Variants in PRMT3 observed in about 807,000 individuals in gnomAD.
PRMT3 encodes the protein protein arginine N-methyltransferase 3.
In PRMT3, 62 loss-of-function variants were observed where a neutral mutation model predicts 71.9. The ratio of observed to expected loss-of-function variants is 0.86; its 90% CI spans 0.70 to 1.07. The LOEUF (loss-of-function observed/expected upper bound fraction) is 1.07. Among genes scored for constraint, PRMT3 ranks in the 50% least tolerant of loss-of-function variants. The pLI is 0.00. For synonymous variants in PRMT3, 213 were observed against 220.4 expected (o/e 0.97, Z 0.30); for missense variants, 663 against 643.0 (o/e 1.03, Z -0.34).
intron 9 of PRMT3, among the ~76,000 whole-genome samples, chr11:20,420,301 A>C (rs1471847459): frequency 6.6e-6 from 1 of 152,244 alleles, no homozygotes; most frequent in Admixed American, 6.5e-5. Context: ...TAAAAGTCTG[A>C]TAAAATTTAG....
At chr11:20,486,190 G>A (rs1160362790) in intron 13 of PRMT3, among the ~76,000 whole-genome samples, 1 of 152,188 alleles carries the variant, frequency 6.6e-6, no homozygotes, top group Non-Finnish European at 1.5e-5. Flanking sequence ...GAGAATGGAT[G>A]GAAGATTTCT....
At chr11:20,427,062 C>T (rs1849562905) in intron 10 of PRMT3, among the ~76,000 whole-genome samples, 197 bp downstream of exon 10, 1 of 152,026 alleles carries the variant, frequency 6.6e-6, no homozygotes, top group Non-Finnish European at 1.5e-5. Context: ...TCTGAAATGG[C>T]CCTTATTTAT....
chr11:20,437,346 GAA>G (rs1849782181), intron 10 of PRMT3, among the ~76,000 whole-genome samples: 1 of 152,060 alleles, frequency 6.6e-6, no homozygotes, highest in African/African-American at 2.4e-5. Flanking sequence ...TTTTGTATTT[GAA>G]ATCATTCAAC....
At chr11:20,388,477 T>C (rs1592327034) in intron 2 of PRMT3, among the ~76,000 whole-genome samples, 1 of 152,156 alleles carries the variant, frequency 6.6e-6, no homozygotes, top group African/African-American at 2.4e-5. Flanking sequence ...AGGGATGGGG[T>C]CTAAGAATAT....
At chr11:20,438,271 G>A (rs1323291269) in intron 10 of PRMT3, among the ~76,000 whole-genome samples, 3 of 152,126 alleles carry the variant, frequency 2.0e-5, no homozygotes, top group East Asian at 1.9e-4. Context: ...CTGGAGGTTT[G>A]GGCTGGGGGA....
At chr11:20,480,818 CAT>C (rs1850913768) in intron 13 of PRMT3, among the ~76,000 whole-genome samples, 1 of 151,982 alleles carries the variant, frequency 6.6e-6, no homozygotes, top group Non-Finnish European at 1.5e-5. Context: ...AGGTTTCTTA[CAT>C]GTACAATTTG....
At chr11:20,394,224 G>C (rs534937062) in intron 5 of PRMT3, among the ~76,000 whole-genome samples, 1 of 152,170 alleles carries the variant, frequency 6.6e-6, no homozygotes, top group Non-Finnish European at 1.5e-5. Flanking sequence ...AAGTTGATCC[G>C]AAAGTTAGAT....
chr11:20,464,855 A>G (rs10734292), intron 13 of PRMT3, among the ~76,000 whole-genome samples: 120,624 of 152,146 alleles, frequency 0.79, 50,146 homozygotes, highest in Non-Finnish European at 0.93. Context: ...CAAAGTTCAT[A>G]CCCTATTCCT....
intron 11 of PRMT3, among the ~76,000 whole-genome samples, chr11:20,452,873 G>A (rs1237466571): frequency 6.6e-6 from 1 of 152,134 alleles, no homozygotes; most frequent in Admixed American, 6.5e-5. Flanking sequence ...TGTTTGTTTA[G>A]CTTTAACTCT....
chr11:20,424,034 A>G (rs1849485810), intron 9 of PRMT3, among the ~76,000 whole-genome samples: 2 of 152,054 alleles, frequency 1.3e-5, no homozygotes, highest in East Asian at 1.9e-4. Context: ...AATACAAAAA[A>G]TTAGCTGGGT....
chr11:20,499,785 G>A (rs747787550), intron 15 of PRMT3, among the ~76,000 whole-genome samples: 7 of 152,116 alleles, frequency 4.6e-5, no homozygotes, highest in Non-Finnish European at 8.8e-5. Flanking sequence ...CAATTAAAAG[G>A]CAGAAATAGA....
In PRMT3 at chr11:20,426,792, C is replaced by G; in HGVS notation, c.920C>G (p.Thr307Arg). The G allele has an allele frequency of 1.3e-6, 2 of 1,514,466 alleles. No homozygotes were observed. Among genetic ancestry groups the G allele is most frequent in the Non-Finnish European group, 1.8e-6 (2 of 1,142,538 alleles). The allele number at this position is 1,514,466 out of a possible 1,614,324, so 93.8% of individuals were successfully genotyped here. The stretch of plus-strand genomic sequence containing the variant: ...CTAAATAAACTTGAAGATACTATTA[C>G]ACTAATTAAAGGAAAGATTGAAGAA... ...IRLNKLEDTI[T>R]LIKGKIEEVH... Residue 307 changes from threonine (T) to arginine (R), a missense_variant, in exon 10 of 16, where the codon ACA (threonine) becomes AGA (arginine). Thr to Arg is a moderately conservative substitution (Grantham distance 71, BLOSUM62 -1). Coordinates refer to ENST00000331079, the MANE Select transcript of PRMT3 (RefSeq NM_005788.4).
chr11:20,464,401 GT>G (rs562956400), intron 12 of PRMT3, 58 bp from the exon 13 acceptor site: 30,719 of 1,066,752 alleles, frequency 0.029, 24 homozygotes, highest in South Asian at 0.045. Context: ...TTTATTTTTT[GT>G]TTTTTTTTTT....
At chr11:20,445,299 CAAT>C (rs1012886577) in intron 10 of PRMT3, among the ~76,000 whole-genome samples, 18 of 151,920 alleles carry the variant, frequency 1.2e-4, no homozygotes, top group African/African-American at 3.6e-4. Context: ...TAGTGTATAA[CAAT>C]GATGTAAAAT....
intron 10 of PRMT3, among the ~76,000 whole-genome samples, chr11:20,445,039 A>T (rs1442025669): frequency 6.6e-6 from 1 of 151,224 alleles, no homozygotes; most frequent in African/African-American, 2.4e-5. Flanking sequence ...GTTAATGTTT[A>T]AATGTTATGG....
At chr11:20,439,836 T>C (rs1032039420) in intron 10 of PRMT3, among the ~76,000 whole-genome samples, 4 of 152,158 alleles carry the variant, frequency 2.6e-5, no homozygotes, top group Admixed American at 6.5e-5. Flanking sequence ...TATACTCTTA[T>C]GAGAATAAGG....
At position 20,409,905 on chromosome 11, in the gene PRMT3, A is replaced by G. The variant is rs552738774; in HGVS notation, c.893+1873A>G. ...GTTTTAGAAGAATTCTCAAAATTTT[A>G]TTGTTGATAGTAAAATTATGGTGAG... On this transcript the variant is annotated intron_variant, in intron 9 of 15. Coordinates refer to ENST00000331079, the MANE Select transcript of PRMT3 (RefSeq NM_005788.4). 1.5e-3 allele frequency among the ~76,000 whole-genome samples: 231 copies of G among 152,138 alleles called. 1 individual carries two copies. The highest frequency in any genetic ancestry group is 5.3e-3 in the African/African-American group (222 of 41,514).
chr11:20,394,528 G>A (rs1254388920), intron 5 of PRMT3, among the ~76,000 whole-genome samples: 1 of 152,036 alleles, frequency 6.6e-6, no homozygotes, highest in African/African-American at 2.4e-5. Context: ...GATTTGATAT[G>A]CATATACATT....
intron 6 of PRMT3, among the ~76,000 whole-genome samples, 155 bp from the exon 7 acceptor site, chr11:20,397,422 C>T (rs547619632): frequency 3.3e-5 from 5 of 152,292 alleles, no homozygotes; most frequent in African/African-American, 1.2e-4. Flanking sequence ...GCTTCAGATC[C>T]AGCAGGGGGA....
Sources: gnomAD v4.1 joint callset for allele counts (sites outside exome capture counted in the v4.1 genomes callset) on GRCh38, gnomAD v4.1.1 for gene constraint, MANE v1.5 for transcripts, NCBI Gene and HGNC (gene_info 2026-07-23, HGNC 2026-07-21) for gene names.